The following GPM6B variants were observed in gnomAD, a reference collection of about 807,000 sequenced individuals.
The protein encoded by GPM6B is glycoprotein M6B.
In GPM6B, 4 loss-of-function variants were observed where a neutral mutation model predicts 27.2. That is an observed-to-expected ratio of 0.15 (90% CI 0.07 to 0.34). GPM6B has a LOEUF of 0.34. Among genes scored for constraint, GPM6B ranks in the 10% least tolerant of loss-of-function variants. GPM6B has a pLI of 1.00. For missense variants in GPM6B, 183 were observed against 261.9 expected, an observed-to-expected ratio of 0.70 and a Z score of 2.08; for synonymous variants, 124 against 103.1, an observed-to-expected ratio of 1.20 and a Z score of -1.23.
At chrX:13,936,490 A>G (rs192688979) in intron 1 of GPM6B, among the ~76,000 whole-genome samples, 1 of 112,321 alleles carries the variant, frequency 8.9e-6, no homozygotes, top group Admixed American at 9.5e-5. Context: ...CATTTCAATT[A>G]AAACATTCAT....
rs1569267115 is a variant in GPM6B at position 13,861,027 on chromosome X, CACACACACACACACACATATAT to C, written c.-197-75241_-197-75220del. ...GCATACACACACACACACACACACA[CACACACACACACACACATATAT>C]ACATATATATACACATACATATATA... is the stretch of plus-strand genomic sequence containing the variant. On this transcript the variant is annotated intron_variant, in intron 1 of 6. Transcript: ENST00000398361. Among the ~76,000 whole-genome samples, 5 of 86,360 alleles carry C rather than the reference CACACACACACACACACATATAT, an allele frequency of 5.8e-5. No homozygotes were observed. The South Asian group carries it at 2.9e-3, about 50-fold the overall frequency. The allele number at this position is 86,360 out of a possible 115,157, so 75.0% of individuals were successfully genotyped here.
At chrX:13,900,817 C>T (rs1289874771) in intron 1 of GPM6B, among the ~76,000 whole-genome samples, 2 of 111,944 alleles carry the variant, frequency 1.8e-5, no homozygotes, top group African/African-American at 3.2e-5. Context: ...AGCCTGCAAA[C>T]GGAACTCTCT....
At chrX:13,836,655 C>T (rs776837676) in intron 1 of GPM6B, among the ~76,000 whole-genome samples, 2 of 112,521 alleles carry the variant, frequency 1.8e-5, no homozygotes, top group African/African-American at 6.4e-5. Flanking sequence ...CCATCAGTAT[C>T]GACTAAGTAC....
At chrX:13,885,933 T>C in intron 1 of GPM6B, among the ~76,000 whole-genome samples, 1 of 112,547 alleles carries the variant, frequency 8.9e-6, no homozygotes. Context: ...CTTTCCAATG[T>C]TATAATGGCT....
At chrX:13,896,263 C>G (rs906933728) in intron 1 of GPM6B, among the ~76,000 whole-genome samples, 11 of 106,779 alleles carry the variant, frequency 1.0e-4, no homozygotes, top group African/African-American at 3.8e-4. Flanking sequence ...GGTAGTCCAT[C>G]ATTTTAAGAA....
intron 3 of GPM6B, chrX:13,783,885 C>G: frequency 2.9e-6 from 1 of 342,619 alleles, no homozygotes; most frequent in Non-Finnish European, 5.6e-6. Context: ...AGTGGCAAAG[C>G]CAGCATCTGA....
At chrX:13,874,749 A>C (rs1175427028) in intron 1 of GPM6B, among the ~76,000 whole-genome samples, 1 of 110,721 alleles carries the variant, frequency 9.0e-6, no homozygotes, top group Non-Finnish European at 1.9e-5. Context: ...AAAACAAAAA[A>C]ACACAGACTC....
At chrX:13,909,566 T>G (rs2050360333) in intron 1 of GPM6B, among the ~76,000 whole-genome samples, 1 of 111,974 alleles carries the variant, frequency 8.9e-6, no homozygotes. Context: ...AAGATCAACA[T>G]GATGCTAATC....
intron 2 of GPM6B, among the ~76,000 whole-genome samples, chrX:13,802,673 A>G (rs996317873): frequency 9.0e-6 from 1 of 111,660 alleles, no homozygotes; most frequent in Non-Finnish European, 1.9e-5. Context: ...AAGAATTGAT[A>G]CATTTCAGAA....
At chrX:13,862,873 T>C (rs1037431381) in intron 1 of GPM6B, among the ~76,000 whole-genome samples, 3 of 107,555 alleles carry the variant, frequency 2.8e-5, no homozygotes, top group African/African-American at 1.0e-4. Context: ...TTTTTTTTTT[T>C]TTCTGTAGAG....
chrX:13,865,841 C>G (rs901644106), intron 1 of GPM6B, among the ~76,000 whole-genome samples: 1 of 109,775 alleles, frequency 9.1e-6, no homozygotes, highest in Non-Finnish European at 1.9e-5. Context: ...GATAAAAACA[C>G]AGACTACTAT....
At chrX:13,865,059 T>G (rs1306826379) in intron 1 of GPM6B, among the ~76,000 whole-genome samples, 2 of 111,882 alleles carry the variant, frequency 1.8e-5, no homozygotes. Context: ...TACTTACCTA[T>G]TTTGGACCAC....
At chrX:13,780,759 T>A (rs1231273909) in intron 4 of GPM6B, among the ~76,000 whole-genome samples, 2 of 111,734 alleles carry the variant, frequency 1.8e-5, no homozygotes, top group East Asian at 5.7e-4. Context: ...TGACCACTTT[T>A]CAGAGAGCTT....
At chrX:13,840,408 C>T (rs900110795) in intron 1 of GPM6B, among the ~76,000 whole-genome samples, 10 of 111,483 alleles carry the variant, frequency 9.0e-5, no homozygotes, top group Admixed American at 1.9e-4. Flanking sequence ...CTGCGGGCTC[C>T]GGGAAGGCTG....
intron 2 of GPM6B, among the ~76,000 whole-genome samples, chrX:13,794,147 AG>A (rs2048764501): frequency 9.1e-6 from 1 of 109,387 alleles, no homozygotes; most frequent in Non-Finnish European, 1.9e-5. Context: ...AAAGTTTTGC[AG>A]ACCTCTGTTA....
chrX:13,869,292 G>GA (rs762061879), intron 1 of GPM6B, among the ~76,000 whole-genome samples: 34 of 109,741 alleles, frequency 3.1e-4, no homozygotes, highest in African/African-American at 1.1e-3. Flanking sequence ...AGACAGAAAG[G>GA]AAAAAATGGT....
chrX:13,810,004 G>C (rs923347917), intron 1 of GPM6B, among the ~76,000 whole-genome samples: 7 of 107,369 alleles, frequency 6.5e-5, no homozygotes, highest in Admixed American at 1.0e-4. Context: ...TATAGTCCCA[G>C]CTACTCTGGA....
At chrX:13,774,135 C>T (rs182663512) in intron 7 of GPM6B, 1,423 of 754,639 alleles carry the variant, frequency 1.9e-3, no homozygotes, top group Non-Finnish European at 2.1e-3. Context: ...CAGATTAAAA[C>T]GGTTCTCTTC....
intron 1 of GPM6B, among the ~76,000 whole-genome samples, chrX:13,929,457 T>TA (rs746966789): frequency 3.6e-3 from 391 of 109,528 alleles, no homozygotes; most frequent in African/African-American, 0.012. Context: ...TTCCTTCAAC[T>TA]AAAAAAAACC....
Sources: allele counts gnomAD v4.1 joint callset (sites outside exome capture counted in the v4.1 genomes callset), GRCh38; gene constraint gnomAD v4.1.1; transcripts MANE v1.5; gene names NCBI Gene and HGNC (gene_info 2026-07-23, HGNC 2026-07-21).